PARD3: variants seen among roughly 807,000 people sequenced by gnomAD.
PARD3 encodes the protein par-3 family cell polarity regulator.
PARD3 carries 75 observed loss-of-function variants against 155.4 expected under a neutral mutation model. That is an observed-to-expected ratio of 0.48 (90% CI 0.40 to 0.58). PARD3 has a LOEUF of 0.58. Among genes scored for constraint, PARD3 ranks in the 20% least tolerant of loss-of-function variants. The pLI is 0.00. For synonymous variants in PARD3, 576 were observed against 610.5 expected, an observed-to-expected ratio of 0.94 and a Z score of 0.83; for missense variants, 1,642 against 1,721.7, an observed-to-expected ratio of 0.95 and a Z score of 0.82.
At chr10:34,605,967 A>T (rs1391395384) in intron 2 of PARD3, among the ~76,000 whole-genome samples, 1 of 107,546 alleles carries the variant, frequency 9.3e-6, no homozygotes, top group Non-Finnish European at 1.8e-5. Flanking sequence ...TATATCTCCT[A>T]TATCTATATC....
intron 11 of PARD3, among the ~76,000 whole-genome samples, chr10:34,373,108 A>T (rs957710166): frequency 6.6e-6 from 1 of 152,166 alleles, no homozygotes; most frequent in African/African-American, 2.4e-5. Flanking sequence ...GAATTTAAAC[A>T]CAGACACCCC....
chr10:34,378,747 C>G (rs929817037), intron 9 of PARD3, among the ~76,000 whole-genome samples: 1 of 152,198 alleles, frequency 6.6e-6, no homozygotes, highest in African/African-American at 2.4e-5. Flanking sequence ...AGGCAAATTA[C>G]TCAGTGAAGA....
At chr10:34,303,991 G>A (rs1957279196) in intron 20 of PARD3, among the ~76,000 whole-genome samples, 1 of 152,112 alleles carries the variant, frequency 6.6e-6, no homozygotes, top group Admixed American at 6.6e-5. Flanking sequence ...AAATGAGGGT[G>A]GGAACAGGAA....
intron 22 of PARD3, among the ~76,000 whole-genome samples, chr10:34,233,015 TA>T (rs2133584029): frequency 7.0e-6 from 1 of 142,070 alleles, no homozygotes; most frequent in South Asian, 2.2e-4. Context: ...CCTCAAATGT[TA>T]ATTTTTTTTT....
chr10:34,658,006 C>T (rs1362835731), intron 2 of PARD3, among the ~76,000 whole-genome samples: 2 of 151,974 alleles, frequency 1.3e-5, no homozygotes, highest in African/African-American at 2.4e-5. Flanking sequence ...ATTAGCCGGG[C>T]GTGGTTGCAG....
chr10:34,262,365 C>T (rs1392707234), intron 22 of PARD3, among the ~76,000 whole-genome samples: 1 of 152,076 alleles, frequency 6.6e-6, no homozygotes, highest in Non-Finnish European at 1.5e-5. Context: ...CTCCTGGGCT[C>T]AAGCAACCCT....
At chr10:34,759,563 C>T (rs1432410029) in intron 1 of PARD3, among the ~76,000 whole-genome samples, 1 of 152,088 alleles carries the variant, frequency 6.6e-6, no homozygotes, top group African/African-American at 2.4e-5. Flanking sequence ...TCAAACATTC[C>T]GATTTTAAGC....
rs1330379185 is a variant in PARD3, at chr10:34,110,396, C to CA, written c.*772dup. On this transcript the variant is annotated 3_prime_UTR_variant, in exon 25 of 25. Transcript: ENST00000374788. ...ATAGACACAGGGCCAATGGCAGGCC[C>CA]AGCTTCCCCCGGCAGGAGCCACTCC... 7.2e-5 allele frequency: 11 copies of CA among 152,230 alleles called. No homozygotes were observed. The highest frequency in any genetic ancestry group is 2.4e-4 in the African/African-American group (10 of 41,434). 9.4% of individuals were successfully genotyped at this position (152,230 alleles called of 1,614,324 possible). A position where few individuals can be genotyped will look rare whatever the true frequency, so the allele number is the denominator to read the frequency against.
At chr10:34,575,472 C>T (rs2086805961) in intron 2 of PARD3, among the ~76,000 whole-genome samples, 1 of 152,170 alleles carries the variant, frequency 6.6e-6, no homozygotes, top group Admixed American at 6.5e-5. Context: ...CCTATTTCTG[C>T]ACATAAAGAG....
intron 2 of PARD3, among the ~76,000 whole-genome samples, chr10:34,619,883 C>T (rs924364246): frequency 2.6e-5 from 4 of 152,158 alleles, no homozygotes; most frequent in African/African-American, 2.4e-5. Context: ...AGCCTTCTCC[C>T]TGATATTGTA....
intron 2 of PARD3, among the ~76,000 whole-genome samples, chr10:34,637,428 C>T (rs992492284): frequency 6.6e-6 from 1 of 152,206 alleles, no homozygotes; most frequent in Non-Finnish European, 1.5e-5. Context: ...CACCCCCATC[C>T]ACAAGTGTTA....
chr10:34,199,815 C>T (rs151255195), intron 22 of PARD3, among the ~76,000 whole-genome samples: 25 of 152,210 alleles, frequency 1.6e-4, no homozygotes, highest in African/African-American at 5.1e-4. Context: ...GCAAGTCCCT[C>T]GTTAGAGCAA....
At chr10:34,715,051 C>T (rs10827399) in intron 1 of PARD3, among the ~76,000 whole-genome samples, 34,997 of 149,684 alleles carry the variant, frequency 0.23, 5,297 homozygotes, top group East Asian at 0.5. Context: ...GGATTACAGG[C>T]GTAAGCCACC....
intron 1 of PARD3, among the ~76,000 whole-genome samples, chr10:34,786,962 T>C (rs1327406366): frequency 1.3e-5 from 2 of 152,210 alleles, no homozygotes; most frequent in Non-Finnish European, 2.9e-5. Flanking sequence ...CTAAAACGAC[T>C]AGTCTAAAAA....
chr10:34,219,467 T>G (rs1207115614), intron 22 of PARD3, among the ~76,000 whole-genome samples: 4 of 152,216 alleles, frequency 2.6e-5, no homozygotes, highest in Non-Finnish European at 5.9e-5. Flanking sequence ...CCCCTCTTAA[T>G]TATGAAACAA....
At chr10:34,597,516 A>C (rs866706686) in intron 2 of PARD3, among the ~76,000 whole-genome samples, 1 of 151,566 alleles carries the variant, frequency 6.6e-6, no homozygotes, top group Non-Finnish European at 1.5e-5. Context: ...GCACCCTCCA[A>C]CTCCTGGGCT....
intron 2 of PARD3, among the ~76,000 whole-genome samples, chr10:34,561,938 C>G (rs2085511905): frequency 6.6e-6 from 1 of 150,894 alleles, no homozygotes; most frequent in Admixed American, 6.6e-5. Context: ...TCAAGACTGG[C>G]CTGGCCAACA....
rs548692325 is a variant in PARD3 at position 34,265,864 on chromosome 10, G to C, written c.3419+3793C>G. Reference sequence around the variant, plus strand: ...CCCCTGTGGGAGCTGCAGGCCAAAGGCTGCTGAACAGGAACATACAAAAGA... The same window carrying C: ...CCCCTGTGGGAGCTGCAGGCCAAAGCCTGCTGAACAGGAACATACAAAAGA... On this transcript the variant is annotated intron_variant, in intron 22 of 24. Transcript: ENST00000374788. Among the ~76,000 whole-genome samples the C allele has an allele frequency of 5.1e-4, 77 of 152,274 alleles. 1 individual carries two copies. The highest frequency in any genetic ancestry group is 1.8e-3 in the African/African-American group (75 of 41,562).
chr10:34,317,372 T>G (rs1427441014), intron 19 of PARD3, 34 bp from the exon 20 acceptor site: 1 of 1,565,996 alleles, frequency 6.4e-7, no homozygotes. Flanking sequence ...AGGGACACAG[T>G]GAACCAACGC....
Sources: allele counts gnomAD v4.1 joint callset (sites outside exome capture counted in the v4.1 genomes callset), GRCh38; gene constraint gnomAD v4.1.1; transcripts MANE v1.5; gene names NCBI Gene and HGNC (gene_info 2026-07-23, HGNC 2026-07-21).